CLCN5: variants seen among roughly 807,000 people sequenced by gnomAD.
CLCN5 encodes H(+)/Cl(-) exchange transporter 5.
In CLCN5, 17 loss-of-function variants were observed where a neutral mutation model predicts 54.0. The observed-to-expected ratio is 0.31, with a 90% CI of 0.22 to 0.47. CLCN5 has a LOEUF of 0.47. Among genes scored for constraint, CLCN5 ranks in the 20% least tolerant of loss-of-function variants. CLCN5 has a pLI of 1.00. For synonymous variants in CLCN5, 222 were observed against 233.0 expected, an observed-to-expected ratio of 0.95 and a Z score of 0.43; for missense variants, 448 against 646.7, an observed-to-expected ratio of 0.69 and a Z score of 3.33.
At chrX:49,987,607 C>A (rs1486455047) in intron 3 of CLCN5, among the ~76,000 whole-genome samples, 1 of 111,912 alleles carries the variant, frequency 8.9e-6, no homozygotes, top group Admixed American at 9.5e-5. Flanking sequence ...TACTTATGTG[C>A]CACAAACTGA....
chrX:49,929,890 G>A (rs1410456330), intron 3 of CLCN5, among the ~76,000 whole-genome samples: 1 of 108,318 alleles, frequency 9.2e-6, no homozygotes, highest in African/African-American at 3.4e-5. Context: ...ATCAAAGGTA[G>A]AATAATAAGG....
intron 3 of CLCN5, among the ~76,000 whole-genome samples, chrX:50,029,308 C>T (rs782771864): frequency 3.0e-5 from 3 of 100,022 alleles, no homozygotes; most frequent in East Asian, 3.2e-4. Flanking sequence ...CCCCCTCCCC[C>T]GACCCCACAA....
chrX:49,998,168 C>G (rs1422764259), intron 3 of CLCN5, among the ~76,000 whole-genome samples: 3 of 111,184 alleles, frequency 2.7e-5, no homozygotes, highest in East Asian at 2.8e-4. Context: ...CCCGCCCTCC[C>G]CATTTTACAG....
At chrX:49,984,994 T>A (rs782168841) in intron 3 of CLCN5, among the ~76,000 whole-genome samples, 2 of 110,607 alleles carry the variant, frequency 1.8e-5, no homozygotes, top group Non-Finnish European at 3.8e-5. Context: ...TTGCTGTTGT[T>A]GTTTGAGAAA....
intron 4 of CLCN5, among the ~76,000 whole-genome samples, chrX:50,066,712 C>A (rs1557190941): frequency 8.9e-6 from 1 of 111,940 alleles, no homozygotes; most frequent in Non-Finnish European, 1.9e-5. Flanking sequence ...TATTGTCAGG[C>A]TAAAATAGCT....
chrX:49,995,374 G>C (rs1306766927), intron 3 of CLCN5, among the ~76,000 whole-genome samples: 2 of 112,215 alleles, frequency 1.8e-5, no homozygotes, highest in Non-Finnish European at 3.8e-5. Flanking sequence ...ACTAAACCAA[G>C]CAAACAGAAT....
At chrX:50,009,584 GA>G (rs1930384454) in intron 3 of CLCN5, 1 of 319,805 alleles carries the variant, frequency 3.1e-6, no homozygotes, top group African/African-American at 2.7e-5. Context: ...GCAGGGGGAT[GA>G]ATACATATGC....
chrX:50,057,759 T>A (rs1388298084), intron 4 of CLCN5, among the ~76,000 whole-genome samples: 1 of 106,929 alleles, frequency 9.4e-6, no homozygotes, highest in Non-Finnish European at 1.9e-5. Flanking sequence ...CTTAATTGAG[T>A]GGGAAAACAA....
intron 12 of CLCN5, 26 bp downstream of exon 12, chrX:50,088,910 A>G (rs1249060224): frequency 8.5e-7 from 1 of 1,176,137 alleles, no homozygotes; most frequent in African/African-American, 1.8e-5. Context: ...ATTAATTTCA[A>G]GTTGCTACCC....
At chrX:50,061,975 C>A (rs1262606404) in intron 4 of CLCN5, among the ~76,000 whole-genome samples, 2 of 84,988 alleles carry the variant, frequency 2.4e-5, no homozygotes, top group African/African-American at 1.1e-4. Flanking sequence ...TTTGTCACCA[C>A]CAGGCCTGCC....
chrX:50,089,343 C>T (rs1934004474), intron 12 of CLCN5, among the ~76,000 whole-genome samples: 1 of 111,226 alleles, frequency 9.0e-6, no homozygotes, highest in Admixed American at 9.5e-5. Context: ...CAGAATGTTC[C>T]CAACATAAAG....
chrX:50,079,937 CACAT>C (rs1180745808), intron 7 of CLCN5, among the ~76,000 whole-genome samples: 3 of 111,384 alleles, frequency 2.7e-5, no homozygotes, highest in Admixed American at 9.5e-5. Context: ...GCTCTTACCA[CACAT>C]ACAAAGAAAG....
chrX:49,933,765 A>G (rs1403987572), intron 3 of CLCN5, among the ~76,000 whole-genome samples: 1 of 112,206 alleles, frequency 8.9e-6, no homozygotes, highest in Non-Finnish European at 1.9e-5. Flanking sequence ...GGCCTTTATA[A>G]TATGTGAAAG....
rs1452502658 is a variant in CLCN5, at chrX:50,023,176, T to G, written c.17-19140T>G. On this transcript the variant is annotated intron_variant, in intron 3 of 14. Coordinates refer to ENST00000376091, the MANE Select transcript of CLCN5 (RefSeq NM_001127898.4). The stretch of plus-strand genomic sequence containing the variant: ...TCTGGGTGCTCCTGTATTGGGTGCA[T>G]AAATATTTAGGATAGTTAGCTCCTC... Among the ~76,000 whole-genome samples, 3 of 86,363 alleles carry G rather than the reference T, an allele frequency of 3.5e-5. No individual in the cohort carries two copies. In the Admixed American group the frequency reaches 3.6e-4, roughly 10 times the overall value. The allele number at this position is 86,363 out of a possible 115,157, so 75.0% of individuals were successfully genotyped here.
intron 3 of CLCN5, among the ~76,000 whole-genome samples, chrX:49,944,405 C>T (rs1403239438): frequency 9.0e-6 from 1 of 111,237 alleles, no homozygotes; most frequent in African/African-American, 3.3e-5. Context: ...TTTCCTTCTC[C>T]TCCCTGATTG....
At position 50,097,130 on chromosome X, in the gene CLCN5, G is replaced by A. The variant is rs1189982201; in HGVS notation, c.*4911G>A. 3 of 112,174 alleles carry A rather than the reference G, an allele frequency of 2.7e-5. No homozygotes were observed. The highest frequency in any genetic ancestry group is 5.6e-5 in the Non-Finnish European group (3 of 53,262). 9.2% of individuals were successfully genotyped at this position (112,174 alleles called of 1,213,427 possible). On this transcript the variant is annotated 3_prime_UTR_variant, in exon 15 of 15. Transcript: ENST00000376091. The stretch of plus-strand genomic sequence containing the variant: ...AGTTCAATCAGTGTAGTTGTCCTGG[G>A]GTGATCGCTGACTCTGCTCTGTTTC...
intron 3 of CLCN5, among the ~76,000 whole-genome samples, chrX:49,934,867 C>G (rs375148471): frequency 3.4e-4 from 38 of 111,958 alleles, no homozygotes; most frequent in Admixed American, 2.4e-3. Context: ...AAAGAAAACC[C>G]TGGCTCTGTC....
chrX:49,946,229 A>G (rs782223401), intron 3 of CLCN5, among the ~76,000 whole-genome samples: 1 of 112,443 alleles, frequency 8.9e-6, no homozygotes, highest in Admixed American at 9.4e-5. Context: ...CCGTTGCTGC[A>G]TAATGAATTA....
chrX:50,075,299 C>A (rs1933362588), intron 6 of CLCN5, among the ~76,000 whole-genome samples: 1 of 111,043 alleles, frequency 9.0e-6, no homozygotes, highest in South Asian at 3.8e-4. Context: ...TTCGTCAGCT[C>A]TCCTCTCTAA....
Sources: gnomAD v4.1 joint callset for allele counts (sites outside exome capture counted in the v4.1 genomes callset) on GRCh38, gnomAD v4.1.1 for gene constraint, MANE v1.5 for transcripts, NCBI Gene and HGNC (gene_info 2026-07-23, HGNC 2026-07-21) for gene names.